The following TMPRSS9 variants were observed in gnomAD, a reference collection of about 807,000 sequenced individuals.
TMPRSS9 encodes transmembrane serine protease 9.
In TMPRSS9, 113 loss-of-function variants were observed where a neutral mutation model predicts 111.4. That is an observed-to-expected ratio of 1.01 (90% CI 0.87 to 1.19). The LOEUF is 1.19. Ranked by LOEUF, TMPRSS9 falls within the 50% of genes most tolerant of loss-of-function variation. The probability of loss-of-function intolerance (pLI) is 0.00; values close to 1 mark genes in which losing one functional copy is unlikely to be tolerated. For missense variants in TMPRSS9, 1,803 were observed against 1,513.1 expected (o/e 1.19, Z -3.18); for synonymous variants, 805 against 659.1 (o/e 1.22, Z -3.39).
exon 1 of TMPRSS9, chr19:2,389,787 T>C (rs763093501): frequency 1.8e-5 from 29 of 1,612,368 alleles, no homozygotes; most frequent in Non-Finnish European, 2.2e-5. Flanking sequence ...CTCTGAGCCA[T>C]GGAGCCCACT....
At chr19:2,416,511 G>C in intron 11 of TMPRSS9, 27 bp from the exon 13 acceptor site, 1 of 1,588,820 alleles carries the variant, frequency 6.3e-7, no homozygotes, top group Non-Finnish European at 8.6e-7. Flanking sequence ...TGGAGGGCAG[G>C]CATGTCTGAG....
chr19:2,413,481 A>G (rs1445650945), intron 9 of TMPRSS9, among the ~76,000 whole-genome samples: 1 of 152,230 alleles, frequency 6.6e-6, no homozygotes, highest in African/African-American at 2.4e-5. Context: ...AAGACATCTT[A>G]GAGATCCTAT....
At chr19:2,403,643 G>A (rs981822833) in intron 6 of TMPRSS9, among the ~76,000 whole-genome samples, 4 of 149,964 alleles carry the variant, frequency 2.7e-5, no homozygotes, top group African/African-American at 9.8e-5. Context: ...GATCACTTGA[G>A]GCCAGGAGTT....
intron 1 of TMPRSS9, among the ~76,000 whole-genome samples, chr19:2,364,476 G>A (rs1970232266): frequency 6.6e-6 from 1 of 151,984 alleles, no homozygotes; most frequent in Non-Finnish European, 1.5e-5. Flanking sequence ...TTGAATTCCT[G>A]GGCTCAAGGA....
chr19:2,404,420 G>A (rs1233235441), intron 6 of TMPRSS9, among the ~76,000 whole-genome samples: 1 of 152,004 alleles, frequency 6.6e-6, no homozygotes, highest in African/African-American at 2.4e-5. Flanking sequence ...GGTCACGCCT[G>A]TAATCCCAGC....
upstream of TMPRSS9, among the ~76,000 whole-genome samples, chr19:2,386,198 C>T (rs1361003523): frequency 2.0e-5 from 3 of 152,140 alleles, no homozygotes; most frequent in South Asian, 2.1e-4. Context: ...GATTGTCCTG[C>T]CGCGGCCTCT....
intron 1 of TMPRSS9, among the ~76,000 whole-genome samples, chr19:2,377,713 C>T (rs531324099): frequency 3.3e-5 from 1 of 30,330 alleles, no homozygotes; most frequent in Admixed American, 5.5e-4. Flanking sequence ...CCTTCTCTCT[C>T]TCTCTCTTTA....
At chr19:2,388,824 A>G (rs1012148940), upstream of TMPRSS9, among the ~76,000 whole-genome samples, 2 of 151,626 alleles carry the variant, frequency 1.3e-5, no homozygotes, top group Admixed American at 6.6e-5. Context: ...GGGTCTCACT[A>G]TATTGCCCAG....
intron 1 of TMPRSS9, among the ~76,000 whole-genome samples, chr19:2,394,036 A>G (rs1476157614): frequency 6.6e-6 from 1 of 152,036 alleles, no homozygotes; most frequent in African/African-American, 2.4e-5. Flanking sequence ...CCCCGTCTCT[A>G]CTAAAATACA....
intron 1 of TMPRSS9, among the ~76,000 whole-genome samples, chr19:2,396,006 TCAAA>T (rs755454539): frequency 4.3e-4 from 65 of 152,308 alleles, no homozygotes; most frequent in African/African-American, 1.2e-3. Flanking sequence ...AGACTCTGTC[TCAAA>T]CAAACAAACA....
At chr19:2,426,195 G>T in exon 18 of TMPRSS9, 1 of 879,910 alleles carries the variant, frequency 1.1e-6, no homozygotes, top group South Asian at 2.1e-5. Context: ...GTGTGGGGGG[G>T]CTGTGGGTCA....
At chr19:2,391,023 G>A (rs1334548787) in intron 1 of TMPRSS9, among the ~76,000 whole-genome samples, 1 of 112,682 alleles carries the variant, frequency 8.9e-6, no homozygotes, top group Admixed American at 1.1e-4. Flanking sequence ...AAGAAAGAAA[G>A]AAAGAAAGAA....
chr19:2,392,445 G>T (rs10411938), intron 1 of TMPRSS9, among the ~76,000 whole-genome samples: 1 of 151,714 alleles, frequency 6.6e-6, no homozygotes, highest in East Asian at 1.9e-4. Flanking sequence ...AGTGGCTCAC[G>T]CCAGTAATCC....
chr19:2,400,649 T>C (rs754248258), intron 4 of TMPRSS9, among the ~76,000 whole-genome samples: 4 of 151,926 alleles, frequency 2.6e-5, no homozygotes, highest in African/African-American at 7.2e-5. Context: ...CAGGTCATGA[T>C]TGGAGAGTCA....
chr19:2,424,246 C>G, exon 15 of TMPRSS9: 1 of 1,398,230 alleles, frequency 7.2e-7, no homozygotes, highest in South Asian at 1.7e-5. Flanking sequence ...CGGCGGCGCA[C>G]TGCTTCGACG....
At chr19:2,388,173 C>T (rs971624961), upstream of TMPRSS9, among the ~76,000 whole-genome samples, 4 of 152,098 alleles carry the variant, frequency 2.6e-5, no homozygotes, top group Admixed American at 1.3e-4. Flanking sequence ...GGGAGGATCG[C>T]GTGAGGTCAG....
At chr19:2,362,616 G>A (rs1970209659) in intron 1 of TMPRSS9, among the ~76,000 whole-genome samples, 1 of 152,160 alleles carries the variant, frequency 6.6e-6, no homozygotes, top group Admixed American at 6.5e-5. Flanking sequence ...GGCAATATGT[G>A]TAATCGTGTC....
rs112134871 is a variant in TMPRSS9 at position 2,392,446 on chromosome 19, C to A, written c.142+2519C>A. Among the ~76,000 whole-genome samples, 352 of 152,218 alleles carry A rather than the reference C, an allele frequency of 2.3e-3. 1 individual carries two copies. The highest frequency in any genetic ancestry group is 7.8e-3 in the African/African-American group (326 of 41,560). ...ATGATGCCAGGCGTAGTGGCTCACGCCAGTAATCCCAGCTCTCTGGGACGC... is the reference window on the plus strand; with the variant it reads ...ATGATGCCAGGCGTAGTGGCTCACGACAGTAATCCCAGCTCTCTGGGACGC... On this transcript the variant is annotated intron_variant, in intron 1 of 17. Transcript: ENST00000648592.
chr19:2,426,073 G>A, exon 18 of TMPRSS9: 1 of 1,608,010 alleles, frequency 6.2e-7, no homozygotes, highest in Non-Finnish European at 8.5e-7. Flanking sequence ...GGATAGGACA[G>A]CACATCCAGG....
Sources: gnomAD v4.1 joint callset for allele counts (sites outside exome capture counted in the v4.1 genomes callset) on GRCh38, gnomAD v4.1.1 for gene constraint, MANE v1.5 for transcripts, NCBI Gene and HGNC (gene_info 2026-07-23, HGNC 2026-07-21) for gene names.